The following PCDHGB4 variants were observed in gnomAD, a reference collection of about 807,000 sequenced individuals.
PCDHGB4 encodes the protein protocadherin gamma subfamily B, 4.
PCDHGB4 carries 38 observed loss-of-function variants against 60.5 expected under a neutral mutation model. That is an observed-to-expected ratio of 0.63 (90% CI 0.48 to 0.82). The LOEUF is 0.82. PCDHGB4 is among the 40% of genes least tolerant of loss of function. The probability of loss-of-function intolerance (pLI) is 0.00; values close to 1 mark genes in which losing one functional copy is unlikely to be tolerated. For missense variants in PCDHGB4, 1,109 were observed against 1,209.6 expected (o/e 0.92, Z 1.23); for synonymous variants, 456 against 509.7 (o/e 0.89, Z 1.42).
At chr5:141,438,210 A>G (rs1228726792) in intron 1 of PCDHGB4, among the ~76,000 whole-genome samples, 2 of 152,188 alleles carry the variant, frequency 1.3e-5, no homozygotes, top group Non-Finnish European at 2.9e-5. Flanking sequence ...ACCATATGGG[A>G]AGGGCTCTGG....
rs1368451336 is a variant in PCDHGB4 at position 141,505,377 on chromosome 5, C to T, written c.2457-16C>T. ...CGGCCTGGGAGTCTGTGCTCACCAT[C>T]CTACTCTCTCCCCAGCTCCCAAAAT... On this transcript the variant is annotated splice_polypyrimidine_tract_variant and intron_variant, in intron 2 of 3. Transcript: ENST00000519479. The T allele has an allele frequency of 6.2e-7, 1 of 1,614,036 alleles. No individual in the cohort carries two copies. Among genetic ancestry groups the T allele is most frequent in the Non-Finnish European group, 8.5e-7 (1 of 1,179,954 alleles).
At chr5:141,408,297 C>G in intron 1 of PCDHGB4, 1 of 1,613,652 alleles carries the variant, frequency 6.2e-7, no homozygotes, top group East Asian at 2.2e-5. Flanking sequence ...CTGAGTGAGC[C>G]GATCCGCTAC....
At chr5:141,409,024 T>C (rs2095212064) in intron 1 of PCDHGB4, 2 of 1,613,988 alleles carry the variant, frequency 1.2e-6, no homozygotes, top group South Asian at 1.1e-5. Context: ...AGGGGGTCAA[T>C]GCTGAGATAA....
rs1003050993 is a variant in PCDHGB4, at chr5:141,477,637, T to A, written c.2398-17170T>A. ...AAGGAGCTGAAACCGGGCTAGTGGG[T>A]CGCTATTTCACAATAAATCGTGACA... On this transcript the variant is annotated intron_variant, in intron 1 of 3. Transcript: ENST00000519479. This position sits in a 1 kb window ranked among gnomAD's most constrained non-coding sequence, Gnocchi z 4.9. 6.2e-7 allele frequency: 1 copy of A among 1,614,154 alleles called. No individual in the cohort carries two copies. Among genetic ancestry groups the A allele is most frequent in the African/African-American group, 1.3e-5 (1 of 75,040 alleles).
chr5:141,426,879 G>T, intron 1 of PCDHGB4: 1 of 456,710 alleles, frequency 2.2e-6, no homozygotes. Flanking sequence ...GAAGCCCCTG[G>T]GCCAGGAGCA....
intron 1 of PCDHGB4, chr5:141,430,690 G>A: frequency 1.4e-6 from 2 of 1,410,426 alleles, no homozygotes; most frequent in Non-Finnish European, 1.9e-6. Flanking sequence ...CCCATTCTAT[G>A]GGCGAAGGAA....
At chr5:141,464,044 C>T (rs898632465) in intron 1 of PCDHGB4, among the ~76,000 whole-genome samples, 1 of 152,086 alleles carries the variant, frequency 6.6e-6, no homozygotes, top group African/African-American at 2.4e-5. Context: ...GCGGGTGGAT[C>T]ACCTGAGGTC....
At chr5:141,478,712 G>T in intron 1 of PCDHGB4, 1 of 1,547,046 alleles carries the variant, frequency 6.5e-7, no homozygotes, top group Non-Finnish European at 8.7e-7. Flanking sequence ...TTTGTGAGAT[G>T]GTGGCCTGCC....
chr5:141,393,393 C>G (rs1244010216), intron 1 of PCDHGB4: 2 of 1,613,900 alleles, frequency 1.2e-6, no homozygotes, highest in African/African-American at 1.3e-5. Context: ...AAACCCAGAG[C>G]TGGTGCTGGA....
intron 1 of PCDHGB4, chr5:141,415,513 G>A: frequency 6.2e-7 from 1 of 1,614,214 alleles, no homozygotes; most frequent in East Asian, 2.2e-5. Context: ...GCCCAATTAT[G>A]CGGACACGCT....
intron 1 of PCDHGB4, chr5:141,417,942 C>T (rs1324501154): frequency 2.5e-6 from 4 of 1,613,090 alleles, no homozygotes; most frequent in South Asian, 1.1e-5. Context: ...TTCTACCCCA[C>T]GCTGTGTGAG....
At chr5:141,393,251 G>C in intron 1 of PCDHGB4, 1 of 1,613,814 alleles carries the variant, frequency 6.2e-7, no homozygotes, top group South Asian at 1.1e-5. Flanking sequence ...ACGAAATCGC[G>C]GTTCCTGGAG....
At position 141,486,694 on chromosome 5, in the gene PCDHGB4, C is replaced by T. The variant is rs1275794121; in HGVS notation, c.2398-8113C>T. ...ATCGAGATGTATCAGCTTCCTCTTTCATCTCTCTGAACCCCCAGACAGGAG... is the reference window on the plus strand; with the variant it reads ...ATCGAGATGTATCAGCTTCCTCTTTTATCTCTCTGAACCCCCAGACAGGAG... On this transcript the variant is annotated intron_variant, in intron 1 of 3. Transcript: ENST00000519479. This position sits in a 1 kb window ranked among gnomAD's most constrained non-coding sequence, Gnocchi z 5.0. 1.2e-6 allele frequency: 2 copies of T among 1,614,168 alleles called. No individual in the cohort carries two copies. Among genetic ancestry groups the T allele is most frequent in the Non-Finnish European group, 1.7e-6 (2 of 1,180,044 alleles).
At chr5:141,433,353 G>C (rs2097584366) in intron 1 of PCDHGB4, 4 of 603,272 alleles carry the variant, frequency 6.6e-6, no homozygotes, top group South Asian at 6.2e-5. Context: ...GCCACCTACT[G>C]TCTGCCTATC....
At chr5:141,393,267 T>C in intron 1 of PCDHGB4, 1 of 1,613,944 alleles carries the variant, frequency 6.2e-7, no homozygotes, top group Non-Finnish European at 8.5e-7. Flanking sequence ...TGGAGCACGT[T>C]ATCCACTCCC....
chr5:141,470,836 C>T lies in PCDHGB4; in HGVS notation c.2398-23971C>T, dbSNP rs577375498. On this transcript the variant is annotated intron_variant, in intron 1 of 3. Transcript: ENST00000519479. ...CTGAGTAGTTAGGACGACAAACACA[C>T]GCCACCATGCTCAGATAAGTTTTTT... 2.6e-5 allele frequency among the ~76,000 whole-genome samples: 4 copies of T among 152,176 alleles called. No homozygotes were observed. The East Asian group carries it at 5.8e-4, about 22-fold the overall frequency.
chr5:141,398,175 G>C, intron 1 of PCDHGB4: 1 of 1,475,074 alleles, frequency 6.8e-7, no homozygotes, highest in Non-Finnish European at 9.0e-7. Flanking sequence ...GGCTGCCAGT[G>C]CTCTTTCTCT....
intron 1 of PCDHGB4, among the ~76,000 whole-genome samples, chr5:141,449,561 C>T (rs777459619): frequency 2.7e-4 from 39 of 147,008 alleles, no homozygotes; most frequent in Non-Finnish European, 4.6e-4. Flanking sequence ...TGCACTCCAG[C>T]CTGGGCGACA....
chr5:141,454,493 A>G (rs1328573277), intron 1 of PCDHGB4, among the ~76,000 whole-genome samples: 1 of 151,866 alleles, frequency 6.6e-6, no homozygotes, highest in Non-Finnish European at 1.5e-5. Context: ...CGCAACCTCC[A>G]CCTCCTGGAT....
Sources: allele counts gnomAD v4.1 joint callset (sites outside exome capture counted in the v4.1 genomes callset), GRCh38; gene constraint gnomAD v4.1.1; non-coding constraint Gnocchi (gnomAD v3.1); transcripts MANE v1.5; gene names NCBI Gene and HGNC (gene_info 2026-07-23, HGNC 2026-07-21).